Variants in CCDC50 observed in about 807,000 individuals in gnomAD.
CCDC50 encodes coiled-coil domain containing 50.
Under a neutral mutation model 70.2 loss-of-function variants are expected in CCDC50, and 54 were observed. The observed-to-expected ratio is 0.77, with a 90% CI of 0.62 to 0.96. The LOEUF is 0.96. Among genes scored for constraint, CCDC50 ranks in the 50% least tolerant of loss-of-function variants. The probability of loss-of-function intolerance (pLI) is 0.00; values close to 1 mark genes in which losing one functional copy is unlikely to be tolerated. For synonymous variants in CCDC50, 216 were observed against 198.8 expected, an observed-to-expected ratio of 1.09 and a Z score of -0.73; for missense variants, 558 against 578.7, an observed-to-expected ratio of 0.96 and a Z score of 0.37.
At position 191,354,972 on chromosome 3, in the gene CCDC50, A is replaced by G. The variant is rs562725229; in HGVS notation, c.50-2116A>G. On this transcript the variant is annotated intron_variant, in intron 1 of 11. Transcript: ENST00000392455. The stretch of plus-strand genomic sequence containing the variant: ...GTCTGTATGTATTCAGTACAGCCAC[A>G]TTTTTTTTTCCTGAATATTTTTTAT... Among the ~76,000 whole-genome samples the G allele has an allele frequency of 4.6e-5, 7 of 151,562 alleles. No homozygotes were observed. In the East Asian group the frequency reaches 1.4e-3, roughly 29 times the overall value.
chr3:191,371,504 G>A (rs1166352831), intron 5 of CCDC50, among the ~76,000 whole-genome samples: 1 of 152,130 alleles, frequency 6.6e-6, no homozygotes, highest in Non-Finnish European at 1.5e-5. Flanking sequence ...TGATCCTGAA[G>A]GGCCTTGCAA....
chr3:191,344,309 G>C, intron 1 of CCDC50, among the ~76,000 whole-genome samples: 1 of 152,200 alleles, frequency 6.6e-6, no homozygotes, highest in Non-Finnish European at 1.5e-5. Flanking sequence ...TAGAACAACT[G>C]TGATGATGCA....
chr3:191,335,337 G>A (rs915896408), intron 1 of CCDC50, among the ~76,000 whole-genome samples: 1 of 152,286 alleles, frequency 6.6e-6, no homozygotes. Flanking sequence ...GTAGCCACTG[G>A]AAGTGCCATT....
At position 191,396,459 on chromosome 3, in the gene CCDC50, G is replaced by C. The variant is rs1340720224; in HGVS notation, c.*4699G>C. The C allele has an allele frequency of 6.6e-6, 1 of 152,180 alleles. No individual in the cohort carries two copies. The highest frequency in any genetic ancestry group is 1.9e-4 in the East Asian group (1 of 5,202). 9.4% of individuals were successfully genotyped at this position (152,180 alleles called of 1,614,324 possible). ...AGCAGTGGCATGACCAAAAAGACTG[G>C]TAGAAGGAGAGAATTTCTTGGCCAA... On this transcript the variant is annotated 3_prime_UTR_variant, in exon 12 of 12. Coordinates refer to ENST00000392455, the MANE Select transcript of CCDC50 (RefSeq NM_178335.3).
chr3:191,367,790 T>C (rs9844109), intron 4 of CCDC50, among the ~76,000 whole-genome samples: 27,096 of 152,016 alleles, frequency 0.18, 3,006 homozygotes, highest in Non-Finnish European at 0.24. Context: ...TAGGAAAATA[T>C]AGTTTTGGGT....
chr3:191,331,690 A>G (rs1717990508), intron 1 of CCDC50, among the ~76,000 whole-genome samples: 1 of 152,198 alleles, frequency 6.6e-6, no homozygotes, highest in African/African-American at 2.4e-5. Context: ...GGAATGTCCT[A>G]CTAATGGTGG....
chr3:191,344,609 C>G (rs533093751), intron 1 of CCDC50, among the ~76,000 whole-genome samples: 1 of 152,172 alleles, frequency 6.6e-6, no homozygotes. Flanking sequence ...GACGGAGTCT[C>G]GCTCTGTCAC....
chr3:191,375,487 T>G lies in CCDC50; in HGVS notation c.874T>G (p.Tyr292Asp). The change falls in exon 6 of 12, where the codon TAT becomes GAT. Residue 292 changes from tyrosine to aspartate, a missense_variant. By Grantham distance (160) the Tyr-to-Asp change is radical. Coordinates refer to ENST00000392455, the MANE Select transcript of CCDC50 (RefSeq NM_178335.3). ...KAGLHCKEVV[Y>D]GRDHGQGEHR... The stretch of plus-strand genomic sequence containing the variant: ...AGGGCTTCACTGCAAGGAAGTTGTA[T>G]ATGGGAGGGACCATGGGCAAGGTGA... The G allele has an allele frequency of 6.2e-7, 1 of 1,613,664 alleles. No homozygotes were observed. Among genetic ancestry groups the G allele is most frequent in the South Asian group, 1.1e-5 (1 of 91,044 alleles).
chr3:191,352,347 G>T (rs1712132188), intron 1 of CCDC50, among the ~76,000 whole-genome samples: 1 of 141,536 alleles, frequency 7.1e-6, no homozygotes, highest in Non-Finnish European at 1.6e-5. Flanking sequence ...TAAGGAAATG[G>T]ATGGGGGGTA....
chr3:191,336,632 T>C (rs766619780), intron 1 of CCDC50, among the ~76,000 whole-genome samples: 1 of 152,170 alleles, frequency 6.6e-6, no homozygotes, highest in Non-Finnish European at 1.5e-5. Flanking sequence ...CAGAATGATA[T>C]GGGGATCCAA....
At chr3:191,329,815 G>T (rs1350381898) in intron 1 of CCDC50, 92 bp downstream of exon 1, 2 of 1,387,830 alleles carry the variant, frequency 1.4e-6, no homozygotes, top group Admixed American at 2.1e-5. Flanking sequence ...CGGCTCCCGC[G>T]GCCCTCGCCC....
chr3:191,374,536 C>G (rs543278584), intron 5 of CCDC50, among the ~76,000 whole-genome samples: 3 of 151,960 alleles, frequency 2.0e-5, no homozygotes, highest in Admixed American at 1.3e-4. Flanking sequence ...ATAAAGTGGG[C>G]AGATGGAGGC....
At position 191,382,740 on chromosome 3, in the gene CCDC50, C is replaced by T. The variant is rs747540278; in HGVS notation, c.1243-6C>T. Reference sequence around the variant, plus strand: ...TTTGTTTGTTTGTTTGTATTTTTGTCCATAGCCAAAAACAGCTAAAGCAGC... The same window carrying T: ...TTTGTTTGTTTGTTTGTATTTTTGTTCATAGCCAAAAACAGCTAAAGCAGC... On this transcript the variant is annotated splice_polypyrimidine_tract_variant and splice_region_variant and intron_variant, in intron 9 of 11. Transcript: ENST00000392455. The T allele has an allele frequency of 6.3e-7, 1 of 1,595,272 alleles. No individual in the cohort carries two copies. Among genetic ancestry groups the T allele is most frequent in the Non-Finnish European group, 8.6e-7 (1 of 1,163,700 alleles).
Position 191,394,402 on chromosome 3 carries a change from G to T in CCDC50, c.*2642G>T, listed in dbSNP as rs1713795734. 1 of 152,134 alleles carries T rather than the reference G, an allele frequency of 6.6e-6. No homozygotes were observed. The allele number at this position is 152,134 out of a possible 1,614,324, so 9.4% of individuals were successfully genotyped here. A position where few individuals can be genotyped will look rare whatever the true frequency, so the allele number is the denominator to read the frequency against. ...AGAAGCAACTCAACTGTATTTTAAT[G>T]AACTGCCAGACACTTTTCACTGTGT... On this transcript the variant is annotated 3_prime_UTR_variant, in exon 12 of 12. Transcript: ENST00000392455.
At chr3:191,358,258 G>A in intron 3 of CCDC50, 134 bp downstream of exon 3, 2 of 1,163,218 alleles carry the variant, frequency 1.7e-6, no homozygotes, top group South Asian at 2.9e-5. Flanking sequence ...TCTTACCCTG[G>A]ATGTCTAACA....
chr3:191,356,723 T>C (rs1399678070), intron 1 of CCDC50, among the ~76,000 whole-genome samples: 1 of 152,212 alleles, frequency 6.6e-6, no homozygotes, highest in African/African-American at 2.4e-5. Flanking sequence ...TCAGTAGCAA[T>C]ATGCAAAGCA....
intron 1 of CCDC50, among the ~76,000 whole-genome samples, chr3:191,337,392 TTCTC>T (rs989181581): frequency 1.3e-5 from 2 of 152,064 alleles, no homozygotes; most frequent in East Asian, 1.9e-4. Flanking sequence ...TCATTTTTCT[TTCTC>T]TCTCTCTTTT....
intron 1 of CCDC50, among the ~76,000 whole-genome samples, chr3:191,345,518 C>T (rs1027640252): frequency 1.3e-5 from 2 of 152,072 alleles, no homozygotes; most frequent in Admixed American, 6.6e-5. Flanking sequence ...TTTCTCTTTC[C>T]CAATAAGTTA....
chr3:191,333,195 A>G (rs1718045607), intron 1 of CCDC50, among the ~76,000 whole-genome samples: 1 of 152,194 alleles, frequency 6.6e-6, no homozygotes, highest in Non-Finnish European at 1.5e-5. Context: ...GTAGCTAGCT[A>G]TTCTGGGAGC....
Sources: gnomAD v4.1 joint callset for allele counts (sites outside exome capture counted in the v4.1 genomes callset) on GRCh38, gnomAD v4.1.1 for gene constraint, MANE v1.5 for transcripts, NCBI Gene and HGNC (gene_info 2026-07-23, HGNC 2026-07-21) for gene names.